Variants in TBC1D22A observed in about 807,000 individuals in gnomAD.
The protein encoded by TBC1D22A is putative GTPase activator.
TBC1D22A carries 38 observed loss-of-function variants against 60.2 expected under a neutral mutation model. The observed-to-expected ratio is 0.63, with a 90% CI of 0.49 to 0.83. The LOEUF (loss-of-function observed/expected upper bound fraction) is 0.83, where lower values mean the gene tolerates loss of function less well. Ranked by LOEUF, TBC1D22A falls within the 40% of genes least tolerant of loss-of-function variation. The pLI, the probability that TBC1D22A is intolerant of heterozygous loss-of-function variation, is 0.00. For missense variants in TBC1D22A, 628 were observed against 701.0 expected (o/e 0.90, Z 1.18); for synonymous variants, 302 against 281.7 (o/e 1.07, Z -0.72).
chr22:46,861,015 GC>G (rs1475081968), intron 4 of TBC1D22A, among the ~76,000 whole-genome samples: 2 of 152,114 alleles, frequency 1.3e-5, no homozygotes, highest in African/African-American at 4.8e-5. Context: ...AAGCTCTGTT[GC>G]CCTGGTCAAT....
chr22:47,013,057 G>T (rs768312525), intron 10 of TBC1D22A, among the ~76,000 whole-genome samples: 1 of 152,198 alleles, frequency 6.6e-6, no homozygotes, highest in Non-Finnish European at 1.5e-5. Context: ...CCAGCCTCCC[G>T]CCCCGTGCGC....
At chr22:47,123,488 G>A (rs2066344364) in intron 12 of TBC1D22A, among the ~76,000 whole-genome samples, 1 of 152,222 alleles carries the variant, frequency 6.6e-6, no homozygotes, top group Non-Finnish European at 1.5e-5. Flanking sequence ...GCTGTCTTGA[G>A]TCACTAGTGA....
intron 10 of TBC1D22A, among the ~76,000 whole-genome samples, chr22:47,018,298 C>T (rs929229292): frequency 2.0e-5 from 3 of 152,108 alleles, no homozygotes; most frequent in Non-Finnish European, 4.4e-5. Context: ...GGATCTGTGC[C>T]GTTGGTCTGT....
intron 10 of TBC1D22A, among the ~76,000 whole-genome samples, chr22:47,035,685 G>A (rs1225556355): frequency 2.0e-5 from 3 of 152,110 alleles, no homozygotes; most frequent in South Asian, 2.1e-4. Flanking sequence ...ACCAGCTCCC[G>A]CCACAGCAGG....
chr22:47,005,779 A>G (rs117644146), intron 10 of TBC1D22A, among the ~76,000 whole-genome samples: 522 of 151,014 alleles, frequency 3.5e-3, no homozygotes, highest in Non-Finnish European at 5.4e-3. Flanking sequence ...CACATATCCA[A>G]TATACACACA....
At chr22:47,071,656 C>T (rs2063995214) in intron 11 of TBC1D22A, among the ~76,000 whole-genome samples, 1 of 152,252 alleles carries the variant, frequency 6.6e-6, no homozygotes, top group East Asian at 1.9e-4. Context: ...GTCCATTAAT[C>T]ATCCTCTGGT....
intron 8 of TBC1D22A, among the ~76,000 whole-genome samples, chr22:46,920,933 GC>G (rs1163765051): frequency 6.6e-6 from 1 of 151,958 alleles, no homozygotes; most frequent in African/African-American, 2.4e-5. Context: ...ACCATGCCCG[GC>G]TAATTTTTGT....
At chr22:46,866,408 A>G (rs2067058778) in intron 4 of TBC1D22A, among the ~76,000 whole-genome samples, 1 of 152,164 alleles carries the variant, frequency 6.6e-6, no homozygotes, top group Non-Finnish European at 1.5e-5. Context: ...CCCGACCCCA[A>G]AAATGAAGAT....
At position 46,981,780 on chromosome 22, in the gene TBC1D22A, A is replaced by G. The variant is rs561775842; in HGVS notation, c.1125+7381A>G. ...TGCCCAGTCTCGGGCAGTTCTTTAT[A>G]GCAGTATGAAAGTGGACTAATACAG... On this transcript the variant is annotated intron_variant, in intron 9 of 12. Transcript: ENST00000337137. Among the ~76,000 whole-genome samples the G allele has an allele frequency of 4.6e-5, 7 of 152,344 alleles. No homozygotes were observed. In the South Asian group the frequency reaches 1.5e-3, roughly 32 times the overall value.
chr22:47,020,902 G>A (rs2062064174), intron 10 of TBC1D22A, among the ~76,000 whole-genome samples: 2 of 151,574 alleles, frequency 1.3e-5, no homozygotes, highest in Admixed American at 1.3e-4. Flanking sequence ...CCCTTAGCAA[G>A]CAGGAGCTAG....
At chr22:46,889,682 G>A (rs1203020152) in intron 5 of TBC1D22A, among the ~76,000 whole-genome samples, 2 of 152,328 alleles carry the variant, frequency 1.3e-5, no homozygotes, top group African/African-American at 2.4e-5. Context: ...GCTGATTCAC[G>A]TAACTTGGAT....
At chr22:46,956,479 G>A (rs775827601) in intron 8 of TBC1D22A, among the ~76,000 whole-genome samples, 25 of 152,214 alleles carry the variant, frequency 1.6e-4, no homozygotes, top group Non-Finnish European at 3.4e-4. Flanking sequence ...TTACTTACAA[G>A]TATCATGTAA....
intron 8 of TBC1D22A, among the ~76,000 whole-genome samples, chr22:46,923,450 T>TG (rs1278993516): frequency 6.6e-6 from 1 of 152,258 alleles, no homozygotes; most frequent in East Asian, 1.9e-4. Context: ...CCCCATCTCT[T>TG]GCCCCGCCCA....
At chr22:46,825,704 C>T (rs979496576) in intron 4 of TBC1D22A, among the ~76,000 whole-genome samples, 4 of 151,996 alleles carry the variant, frequency 2.6e-5, no homozygotes, top group African/African-American at 9.7e-5. Context: ...GAATTTCTGG[C>T]CTTAAGTGAT....
At chr22:46,783,508 C>T (rs186858211) in intron 1 of TBC1D22A, among the ~76,000 whole-genome samples, 18 of 152,310 alleles carry the variant, frequency 1.2e-4, no homozygotes, top group Admixed American at 4.6e-4. Flanking sequence ...CAGTTGATGC[C>T]GCTGTGGGGT....
intron 4 of TBC1D22A, among the ~76,000 whole-genome samples, chr22:46,808,569 C>T (rs541190504): frequency 2.0e-5 from 3 of 151,686 alleles, no homozygotes; most frequent in Admixed American, 6.6e-5. Context: ...GAAATGTAGT[C>T]AGGTAAGGCT....
chr22:47,071,606 A>T (rs931030659), intron 11 of TBC1D22A, among the ~76,000 whole-genome samples: 2 of 152,222 alleles, frequency 1.3e-5, no homozygotes, highest in African/African-American at 4.8e-5. Flanking sequence ...GAAAGGATCC[A>T]GCCCTGCTAC....
chr22:47,061,947 G>T (rs572737342), intron 11 of TBC1D22A, among the ~76,000 whole-genome samples: 2 of 152,116 alleles, frequency 1.3e-5, no homozygotes, highest in East Asian at 3.9e-4. Context: ...CGTTAGCCAG[G>T]CGTGGTGGTG....
chr22:47,116,178 G>A (rs989394806), intron 12 of TBC1D22A: 1 of 152,260 alleles, frequency 6.6e-6, no homozygotes. Context: ...TGCTCTGCCA[G>A]CTTCCAGGAG....
Sources: gnomAD v4.1 joint callset for allele counts (sites outside exome capture counted in the v4.1 genomes callset) on GRCh38, gnomAD v4.1.1 for gene constraint, MANE v1.5 for transcripts, NCBI Gene and HGNC (gene_info 2026-07-23, HGNC 2026-07-21) for gene names.